RP1: variants seen among roughly 807,000 people sequenced by gnomAD.
RP1 encodes oxygen-regulated protein 1.
RP1 carries 16 observed loss-of-function variants against 14.8 expected under a neutral mutation model. That is an observed-to-expected ratio of 1.08 (90% confidence interval 0.73 to 1.65). RP1 has a LOEUF of 1.65. Among genes scored for constraint, RP1 ranks in the 40% most tolerant of loss-of-function variants. The probability of loss-of-function intolerance (pLI) is 0.00; values close to 1 mark genes in which losing one functional copy is unlikely to be tolerated. For missense variants in RP1, 2,631 were observed against 2,535.0 expected (o/e 1.04, Z -0.81); for synonymous variants, 876 against 883.6 (o/e 0.99, Z 0.15).
intron 1 of RP1, among the ~76,000 whole-genome samples, chr8:54,616,727 T>C (rs953505377): frequency 7.9e-5 from 12 of 152,268 alleles, no homozygotes; most frequent in Admixed American, 7.2e-4. Flanking sequence ...CCATTTTTTC[T>C]ACTTCATTAT....
chr8:54,678,261 C>G (rs1807341918), intron 8 of RP1, among the ~76,000 whole-genome samples: 1 of 152,098 alleles, frequency 6.6e-6, no homozygotes, highest in Non-Finnish European at 1.5e-5. Context: ...TAAAATAATG[C>G]TTTGCTTTTG....
intron 23 of RP1, among the ~76,000 whole-genome samples, chr8:54,775,812 G>A (rs1563372849): frequency 6.6e-6 from 1 of 152,104 alleles, no homozygotes; most frequent in Admixed American, 6.5e-5. Context: ...GTCAAGACTT[G>A]GATTCTAAAT....
At chr8:54,834,581 G>T (rs1342073119) in intron 24 of RP1, among the ~76,000 whole-genome samples, 1 of 151,824 alleles carries the variant, frequency 6.6e-6, no homozygotes, top group East Asian at 1.9e-4. Flanking sequence ...TTATTTTCCA[G>T]TTCTTTAATA....
chr8:54,834,178 G>A (rs1811603843), intron 24 of RP1, among the ~76,000 whole-genome samples: 1 of 151,812 alleles, frequency 6.6e-6, no homozygotes, highest in South Asian at 2.1e-4. Flanking sequence ...GTAAGACAAG[G>A]GTATTTAAGG....
intron 1 of RP1, among the ~76,000 whole-genome samples, chr8:54,571,122 C>A (rs1458936770): frequency 6.6e-6 from 1 of 151,510 alleles, no homozygotes; most frequent in African/African-American, 2.4e-5. Context: ...GCCCTGTGAG[C>A]TCTGCACTGG....
chr8:54,829,023 G>C (rs1187886546), intron 24 of RP1, among the ~76,000 whole-genome samples: 1 of 151,218 alleles, frequency 6.6e-6, no homozygotes, highest in Non-Finnish European at 1.5e-5. Flanking sequence ...CTGTTGAGTA[G>C]CTGGGATTAC....
chr8:54,590,454 G>A (rs1416852724), intron 1 of RP1, among the ~76,000 whole-genome samples: 3 of 152,036 alleles, frequency 2.0e-5, no homozygotes, highest in African/African-American at 7.2e-5. Flanking sequence ...CCAATCAGGG[G>A]TGCTCACCCA....
At chr8:54,720,253 C>T (rs1808503589) in exon 16 of RP1, 6 of 1,535,860 alleles carry the variant, frequency 3.9e-6, no homozygotes, top group Non-Finnish European at 5.2e-6. Context: ...CAGGCAAAAC[C>T]AATGATTTAT....
chr8:54,782,723 A>C (rs1182523451), intron 23 of RP1, among the ~76,000 whole-genome samples: 1 of 152,152 alleles, frequency 6.6e-6, no homozygotes, highest in East Asian at 1.9e-4. Flanking sequence ...AGTTTCCCAA[A>C]GAAGTGCACA....
chr8:54,755,609 G>T, intron 20 of RP1: 2 of 1,535,684 alleles, frequency 1.3e-6, no homozygotes, highest in South Asian at 1.2e-5. Context: ...TCTCCCTGTT[G>T]CTTTGCCAGT....
rs538825686 is a variant in RP1 at position 54,628,013 on chromosome 8, C to T, written c.4131C>T (p.Asp1377=). The stretch of plus-strand genomic sequence containing the variant: ...AGAAAGATCTAAATATTTTGACAGA[C>T]CCTGAATATAAAAATGGATTTAATA... ...DIQKDLNILT[D]PEYKNGFNTL... is the part of the protein sequence containing the mutation. The change falls in exon 4 of 4, where the codon GAC becomes GAT. Residue 1377 remains aspartate, a synonymous_variant. Coordinates refer to ENST00000220676, the MANE Select transcript of RP1 (RefSeq NM_006269.2). 697 of 1,613,930 alleles carry T rather than the reference C, an allele frequency of 4.3e-4. 7 individuals carry two copies. In the South Asian group the frequency reaches 6.9e-3, roughly 16 times the overall value.
chr8:54,793,093 G>A (rs1031146952), intron 24 of RP1, among the ~76,000 whole-genome samples: 2 of 151,598 alleles, frequency 1.3e-5, no homozygotes, highest in Non-Finnish European at 3.0e-5. Flanking sequence ...TAGAGAAAAC[G>A]TATAAATTTA....
In RP1 at chr8:54,628,216, C is replaced by T; in HGVS notation, c.4334C>T (p.Ser1445Phe). The T allele has an allele frequency of 6.2e-7, 1 of 1,613,988 alleles. No homozygotes were observed. Residue 1445 changes from serine (S) to phenylalanine (F), a missense_variant, in exon 4 of 4, where the codon TCT becomes TTT. Coordinates refer to ENST00000220676, the MANE Select transcript of RP1 (RefSeq NM_006269.2). ...TTTGATATGGAAGAACCACGGACTT[C>T]TGAAGAACCAGGCTCAATAACCAAC... ...TSFDMEEPRT[S>F]EEPGSITNSM...
Position 54,671,079 on chromosome 8 carries a change from T to C in RP1, c.1324-2771T>C, listed in dbSNP as rs889154670. Among the ~76,000 whole-genome samples the C allele has an allele frequency of 2.6e-5, 4 of 152,152 alleles. No individual in the cohort carries two copies. The East Asian group carries it at 5.8e-4, about 22-fold the overall frequency. On this transcript the variant is annotated intron_variant, in intron 7 of 22. Transcript: ENST00000636932. ...GTTTATCTGGGAAAGTCTTAATTTC[T>C]TCTCCACTTTTGACAGTTTTGCCTG...
At chr8:54,731,601 T>A (rs1007514439) in intron 17 of RP1, among the ~76,000 whole-genome samples, 1 of 152,178 alleles carries the variant, frequency 6.6e-6, no homozygotes, top group Non-Finnish European at 1.5e-5. Flanking sequence ...TTATATCATA[T>A]TTAGCCATCA....
intron 7 of RP1, among the ~76,000 whole-genome samples, chr8:54,664,736 T>C (rs893825749): frequency 6.6e-6 from 1 of 152,144 alleles, no homozygotes; most frequent in African/African-American, 2.4e-5. Flanking sequence ...TTGGGTTATT[T>C]GTAGGAATAG....
intron 1 of RP1, among the ~76,000 whole-genome samples, chr8:54,606,132 T>A (rs1156817936): frequency 6.6e-6 from 1 of 152,242 alleles, no homozygotes; most frequent in Non-Finnish European, 1.5e-5. Context: ...AGTTTCTTCC[T>A]AACTTTGATG....
intron 12 of RP1, among the ~76,000 whole-genome samples, chr8:54,691,754 T>C (rs62514626): frequency 0.01 from 1,559 of 151,998 alleles, 20 homozygotes; most frequent in South Asian, 0.027. Context: ...TGCAGATTAA[T>C]AGGGGAAAAA....
chr8:54,701,656 TG>T lies in RP1; in HGVS notation c.1993del (p.Val665SerfsTer56). ...ATCTTTCAAAAGAATTTGTGATTTT[TG>T]TCAAGGTAAAATGGAGAAAGTTATT... On this transcript the variant is annotated frameshift_variant, in exon 14 of 23. Coordinates refer to the RP1 transcript ENST00000636932. LOFTEE classifies it high-confidence loss of function. The T allele has an allele frequency of 6.5e-7, 1 of 1,534,802 alleles. No individual in the cohort carries two copies. The highest frequency in any genetic ancestry group is 8.7e-7 in the Non-Finnish European group (1 of 1,146,278).
Sources: allele counts gnomAD v4.1 joint callset (sites outside exome capture counted in the v4.1 genomes callset), GRCh38; gene constraint gnomAD v4.1.1; transcripts MANE v1.5; gene names NCBI Gene and HGNC (gene_info 2026-07-23, HGNC 2026-07-21).